Variants in CLDN14 observed in about 807,000 individuals in gnomAD.
The protein encoded by CLDN14 is claudin-14.
CLDN14 carries 2 observed loss-of-function variants against 2.1 expected under a neutral mutation model. The observed-to-expected ratio is 0.96, with a 90% CI of 0.39 to 3.01. The LOEUF is 3.01. Among genes scored for constraint, CLDN14 ranks in the 30% most tolerant of loss-of-function variants. The probability of loss-of-function intolerance (pLI) is 0.09; values close to 1 mark genes in which losing one functional copy is unlikely to be tolerated. For synonymous variants in CLDN14, 136 were observed against 154.4 expected (o/e 0.88, Z 0.88); for missense variants, 298 against 328.0 (o/e 0.91, Z 0.71).
Position 36,461,738 on chromosome 21 carries a change from C to T in CLDN14, c.-43G>A. On this transcript the variant is annotated 5_prime_UTR_variant, in exon 2 of 2. Transcript: ENST00000399135. Reference sequence around the variant, plus strand: ...AGGCCAGCCGGGCAGCTCCCTGGGCCCTCGGGGTCACGCCGCTCCTCAGGT... The same window carrying T: ...AGGCCAGCCGGGCAGCTCCCTGGGCTCTCGGGGTCACGCCGCTCCTCAGGT... 1.3e-6 allele frequency: 2 copies of T among 1,541,184 alleles called. No individual in the cohort carries two copies. The highest frequency in any genetic ancestry group is 1.7e-6 in the Non-Finnish European group (2 of 1,144,786).
At chr21:36,566,549 G>A (rs573160355) in intron 1 of CLDN14, among the ~76,000 whole-genome samples, 5 of 152,220 alleles carry the variant, frequency 3.3e-5, no homozygotes, top group Non-Finnish European at 7.4e-5. Context: ...TGAGGCCCTG[G>A]GGCCTCACGG....
At chr21:36,520,295 A>C (rs1222030964) in intron 1 of CLDN14, among the ~76,000 whole-genome samples, 1 of 152,138 alleles carries the variant, frequency 6.6e-6, no homozygotes, top group Non-Finnish European at 1.5e-5. Context: ...ACTTGATTAC[A>C]TCTGCAAAGA....
chr21:36,505,565 C>G (rs1043892041), intron 2 of CLDN14, among the ~76,000 whole-genome samples: 1 of 152,190 alleles, frequency 6.6e-6, no homozygotes, highest in Non-Finnish European at 1.5e-5. Context: ...CCTCTGAACC[C>G]ACAGTCAGCA....
rs140968960 is a variant in CLDN14 at position 36,494,251 on chromosome 21, G to A, written c.-82+16112C>T. Among the ~76,000 whole-genome samples, 196 of 152,304 alleles carry A rather than the reference G, an allele frequency of 1.3e-3. 1 individual carries two copies. Among genetic ancestry groups the A allele is most frequent in the African/African-American group, 4.2e-3 (176 of 41,564 alleles). Reference sequence around the variant, plus strand: ...ATGATGCCAGGGAAGAGAGAAACAGGACTGACGAGAGTGGTATCTACAAAC... The same window carrying A: ...ATGATGCCAGGGAAGAGAGAAACAGAACTGACGAGAGTGGTATCTACAAAC... On this transcript the variant is annotated intron_variant, in intron 2 of 2. Coordinates refer to the CLDN14 transcript ENST00000342108.
chr21:36,522,716 A>C (rs1003794833), intron 1 of CLDN14, among the ~76,000 whole-genome samples: 5 of 152,236 alleles, frequency 3.3e-5, no homozygotes, highest in African/African-American at 4.8e-5. Context: ...AAGCATTGCC[A>C]TTCCTCTCTT....
chr21:36,521,616 C>T (rs1352747254), intron 1 of CLDN14, among the ~76,000 whole-genome samples: 1 of 152,198 alleles, frequency 6.6e-6, no homozygotes, highest in East Asian at 1.9e-4. Flanking sequence ...ATATTCCACA[C>T]ATTGGAGGTC....
At chr21:36,534,250 T>C (rs983617605) in intron 1 of CLDN14, among the ~76,000 whole-genome samples, 1 of 152,046 alleles carries the variant, frequency 6.6e-6, no homozygotes, top group Admixed American at 6.6e-5. Context: ...TACAAAAAAA[T>C]TTTTTCATGC....
At chr21:36,545,912 C>T (rs1456280865) in intron 1 of CLDN14, among the ~76,000 whole-genome samples, 5 of 152,178 alleles carry the variant, frequency 3.3e-5, no homozygotes, top group African/African-American at 9.7e-5. Flanking sequence ...TTCTTGGACC[C>T]AGGACTTCAC....
intron 2 of CLDN14, among the ~76,000 whole-genome samples, chr21:36,490,282 C>T (rs1601607183): frequency 6.6e-6 from 1 of 152,260 alleles, no homozygotes; most frequent in African/African-American, 2.4e-5. Flanking sequence ...TGGGTCACCG[C>T]AGCCTTGAGC....
Position 36,513,822 on chromosome 21 carries a change from GTTCT to G in CLDN14, c.-219-3326_-219-3323del, listed in dbSNP as rs1001654390. 5.3e-5 allele frequency among the ~76,000 whole-genome samples: 8 copies of G among 152,130 alleles called. No homozygotes were observed. In the South Asian group the frequency reaches 6.2e-4, roughly 12 times the overall value. ...CTGGCCCCTGGGATAATTGATACGAGTTCTTTCTTTCTTTCTTTTTTAAAATTGA... is the reference window on the plus strand; with the variant it reads ...CTGGCCCCTGGGATAATTGATACGAGTTCTTTCTTTCTTTTTTAAAATTGA... On this transcript the variant is annotated intron_variant, in intron 1 of 2. Coordinates refer to the CLDN14 transcript ENST00000342108.
intron 1 of CLDN14, among the ~76,000 whole-genome samples, chr21:36,537,239 G>A (rs1026296287): frequency 1.3e-5 from 2 of 151,902 alleles, no homozygotes; most frequent in Admixed American, 1.3e-4. Flanking sequence ...AATCTGCAGA[G>A]AGAGAGAGAG....
intron 1 of CLDN14, among the ~76,000 whole-genome samples, chr21:36,557,014 T>C (rs424282): frequency 0.84 from 127,535 of 152,190 alleles, 53,898 homozygotes; most frequent in Non-Finnish European, 0.9. Flanking sequence ...TCACTATTTT[T>C]GCTCCTCATA....
intron 2 of CLDN14, chr21:36,487,337 C>T: frequency 4.3e-6 from 1 of 233,112 alleles, no homozygotes; most frequent in Middle Eastern, 1.5e-3. Flanking sequence ...GGGCCTGCAG[C>T]TGGGTGGGGA....
chr21:36,486,414 CGCT>C, intron 2 of CLDN14: 7 of 1,250,348 alleles, frequency 5.6e-6, no homozygotes, highest in Non-Finnish European at 7.0e-6. Context: ...CTCATCCTGC[CGCT>C]GCTGCTGCTC....
intron 2 of CLDN14, among the ~76,000 whole-genome samples, chr21:36,494,270 TACAA>T (rs1640682687): frequency 6.6e-6 from 1 of 152,184 alleles, no homozygotes; most frequent in Non-Finnish European, 1.5e-5. Flanking sequence ...GAGTGGTATC[TACAA>T]ACAAATATTT....
At chr21:36,547,663 A>G (rs563244444) in intron 1 of CLDN14, among the ~76,000 whole-genome samples, 235 of 152,302 alleles carry the variant, frequency 1.5e-3, no homozygotes, top group African/African-American at 5.4e-3. Context: ...CCTCAACTCC[A>G]GGAAGCAGGT....
intron 2 of CLDN14, among the ~76,000 whole-genome samples, chr21:36,493,243 G>A (rs2086986399): frequency 6.6e-6 from 1 of 152,248 alleles, no homozygotes; most frequent in Non-Finnish European, 1.5e-5. Flanking sequence ...TGGTCTCTGG[G>A]TCCACCCCAC....
chr21:36,540,294 C>T (rs1051000740), intron 1 of CLDN14, among the ~76,000 whole-genome samples: 9 of 152,070 alleles, frequency 5.9e-5, no homozygotes, highest in African/African-American at 1.9e-4. Context: ...CCCTAGATGA[C>T]GTATAATACC....
At chr21:36,534,249 A>T (rs548063809) in intron 1 of CLDN14, among the ~76,000 whole-genome samples, 1 of 152,128 alleles carries the variant, frequency 6.6e-6, no homozygotes, top group South Asian at 2.1e-4. Flanking sequence ...TTACAAAAAA[A>T]TTTTTTCATG....
Sources: gnomAD v4.1 joint callset for allele counts (sites outside exome capture counted in the v4.1 genomes callset) on GRCh38, gnomAD v4.1.1 for gene constraint, MANE v1.5 for transcripts, NCBI Gene and HGNC (gene_info 2026-07-23, HGNC 2026-07-21) for gene names.